The following LRP1B variants were observed in gnomAD, a reference collection of about 807,000 sequenced individuals.
LRP1B encodes the protein low-density lipoprotein receptor-related protein 1B.
In LRP1B, 217 loss-of-function variants were observed where a neutral mutation model predicts 556.6. The ratio of observed to expected loss-of-function variants is 0.39; its 90% CI spans 0.35 to 0.44. The LOEUF (loss-of-function observed/expected upper bound fraction) is 0.44, where lower values mean the gene tolerates loss of function less well. Among genes scored for constraint, LRP1B ranks in the 20% least tolerant of loss-of-function variants. The probability of loss-of-function intolerance (pLI) is 1.00; values close to 1 mark genes in which losing one functional copy is unlikely to be tolerated. For synonymous variants in LRP1B, 2,047 were observed against 1,865.8 expected (o/e 1.10, Z -2.50); for missense variants, 5,053 against 5,620.8 (o/e 0.90, Z 3.23).
chr2:140,659,162 T>C (rs973941256), intron 41 of LRP1B, among the ~76,000 whole-genome samples: 4 of 149,084 alleles, frequency 2.7e-5, no homozygotes, highest in Non-Finnish European at 6.0e-5. Flanking sequence ...AAAGACTCTT[T>C]ACATGTTATA....
intron 58 of LRP1B, among the ~76,000 whole-genome samples, chr2:140,486,719 G>C (rs910433104): frequency 6.6e-6 from 1 of 151,514 alleles, no homozygotes; most frequent in African/African-American, 2.4e-5. Context: ...AAATCTCATC[G>C]GTTTATTTGT....
intron 2 of LRP1B, among the ~76,000 whole-genome samples, chr2:141,633,283 C>T (rs1034943445): frequency 7.2e-5 from 11 of 152,106 alleles, no homozygotes; most frequent in Non-Finnish European, 1.5e-4. Context: ...GTATTCCATT[C>T]ACATCCATGT....
At chr2:141,257,377 A>G (rs779623584) in intron 3 of LRP1B, among the ~76,000 whole-genome samples, 1 of 152,180 alleles carries the variant, frequency 6.6e-6, no homozygotes, top group Non-Finnish European at 1.5e-5. Context: ...TTATTTTTCC[A>G]TGTAATCCCT....
intron 1 of LRP1B, among the ~76,000 whole-genome samples, chr2:141,944,263 T>G (rs1700894250): frequency 6.6e-6 from 1 of 152,194 alleles, no homozygotes; most frequent in African/African-American, 2.4e-5. Context: ...AAATGGGTTT[T>G]TATTATTGTT....
intron 1 of LRP1B, among the ~76,000 whole-genome samples, chr2:141,845,827 G>T (rs1697627194): frequency 6.6e-6 from 1 of 151,792 alleles, no homozygotes; most frequent in Admixed American, 6.6e-5. Flanking sequence ...GAATATAGGA[G>T]AACTGGAAAA....
intron 2 of LRP1B, among the ~76,000 whole-genome samples, chr2:141,740,842 G>GC (rs1693670793): frequency 6.6e-6 from 1 of 152,056 alleles, no homozygotes; most frequent in Non-Finnish European, 1.5e-5. Context: ...AAATCAGATT[G>GC]AAAATGTGGA....
At chr2:141,807,904 T>C (rs1298443504) in intron 2 of LRP1B, among the ~76,000 whole-genome samples, 1 of 152,068 alleles carries the variant, frequency 6.6e-6, no homozygotes, top group African/African-American at 2.4e-5. Context: ...GTATCTGCCA[T>C]GTTTCTAGAG....
At chr2:141,206,378 G>A (rs537173827) in intron 6 of LRP1B, among the ~76,000 whole-genome samples, 4 of 152,098 alleles carry the variant, frequency 2.6e-5, no homozygotes, top group South Asian at 2.1e-4. Context: ...TCAGCAGATC[G>A]AGACCATCCT....
At chr2:141,423,190 A>G (rs1680204988) in intron 3 of LRP1B, among the ~76,000 whole-genome samples, 1 of 151,782 alleles carries the variant, frequency 6.6e-6, no homozygotes, top group Admixed American at 6.6e-5. Context: ...GTGGTAGTTC[A>G]CTATGCACAT....
intron 2 of LRP1B, among the ~76,000 whole-genome samples, chr2:141,635,740 C>G (rs573508630): frequency 6.6e-6 from 1 of 152,240 alleles, no homozygotes; most frequent in African/African-American, 2.4e-5. Context: ...GCCAACTTTC[C>G]ACGTGGATTT....
chr2:140,623,413 C>T (rs1683527561), intron 41 of LRP1B, among the ~76,000 whole-genome samples: 1 of 151,698 alleles, frequency 6.6e-6, no homozygotes, highest in Non-Finnish European at 1.5e-5. Flanking sequence ...ATTTTTTCTC[C>T]TTATCTAGTA....
At chr2:141,810,471 T>A (rs2105708185) in intron 1 of LRP1B, 70 bp from the exon 2 acceptor site, 1 of 1,517,358 alleles carries the variant, frequency 6.6e-7, no homozygotes, top group South Asian at 1.2e-5. Flanking sequence ...AGTACAAACA[T>A]GAAATGTGAA....
chr2:140,648,217 C>G (rs1684552660), intron 41 of LRP1B, among the ~76,000 whole-genome samples: 1 of 151,980 alleles, frequency 6.6e-6, no homozygotes, highest in Admixed American at 6.6e-5. Context: ...CATGTTCTCA[C>G]TCATATGTGG....
At position 140,231,425 on chromosome 2, in the gene LRP1B, A is replaced by G. The variant is rs900297821; in HGVS notation, c.*1761T>C. 1.3e-5 allele frequency: 2 copies of G among 151,814 alleles called. No homozygotes were observed. Among genetic ancestry groups the G allele is most frequent in the Non-Finnish European group, 3.0e-5 (2 of 67,612 alleles). 9.4% of individuals were successfully genotyped at this position (151,814 alleles called of 1,614,324 possible). A position where few individuals can be genotyped will look rare whatever the true frequency, so the allele number is the denominator to read the frequency against. The stretch of plus-strand genomic sequence containing the variant: ...TAAAAACTACCCAACACAAGCTCTT[A>G]AATATGTAGAATTTCATTTAAATAA... On this transcript the variant is annotated 3_prime_UTR_variant, in exon 91 of 91. Coordinates refer to ENST00000389484, the MANE Select transcript of LRP1B (RefSeq NM_018557.3).
intron 3 of LRP1B, among the ~76,000 whole-genome samples, chr2:141,426,816 C>G (rs1004681252): frequency 6.6e-6 from 1 of 152,148 alleles, no homozygotes; most frequent in Admixed American, 6.5e-5. Context: ...CTGGTTTACA[C>G]AGAACTTTTC....
intron 51 of LRP1B, 43 bp from the exon 52 acceptor site, chr2:140,510,099 C>T (rs1242972734): frequency 2.5e-6 from 4 of 1,598,954 alleles, no homozygotes; most frequent in Admixed American, 1.7e-5. Flanking sequence ...ACTCTGTGTC[C>T]ACTGGAAAAT....
At chr2:141,487,599 C>T (rs111945107) in intron 2 of LRP1B, among the ~76,000 whole-genome samples, 2 of 152,224 alleles carry the variant, frequency 1.3e-5, no homozygotes, top group African/African-American at 2.4e-5. Context: ...ACATTATTTA[C>T]AATCAATTTT....
intron 82 of LRP1B, among the ~76,000 whole-genome samples, chr2:140,318,883 G>T (rs747935942): frequency 1.6e-4 from 24 of 151,986 alleles, no homozygotes; most frequent in Non-Finnish European, 2.9e-4. Flanking sequence ...AACATACATA[G>T]AATTTGCTTT....
intron 1 of LRP1B, among the ~76,000 whole-genome samples, chr2:142,095,699 A>G (rs1207246668): frequency 1.3e-5 from 2 of 151,738 alleles, no homozygotes; most frequent in East Asian, 1.9e-4. Context: ...CTTTTTCAAC[A>G]TGTATTTTTT....
Sources: gnomAD v4.1 joint callset for allele counts (sites outside exome capture counted in the v4.1 genomes callset) on GRCh38, gnomAD v4.1.1 for gene constraint, MANE v1.5 for transcripts, NCBI Gene and HGNC (gene_info 2026-07-23, HGNC 2026-07-21) for gene names.